KCTD16: variants seen among roughly 807,000 people sequenced by gnomAD.
KCTD16 encodes potassium channel tetramerization domain containing 16.
KCTD16 carries 13 observed loss-of-function variants against 33.2 expected under a neutral mutation model. The observed-to-expected ratio is 0.39, with a 90% CI of 0.25 to 0.62. The LOEUF (loss-of-function observed/expected upper bound fraction) is 0.62. KCTD16 is among the 20% of genes least tolerant of loss of function. The pLI, the probability that KCTD16 is intolerant of heterozygous loss-of-function variation, is 0.50. For missense variants in KCTD16, 441 were observed against 525.1 expected, an observed-to-expected ratio of 0.84 and a Z score of 1.57; for synonymous variants, 197 against 195.3, an observed-to-expected ratio of 1.01 and a Z score of -0.07.
intron 3 of KCTD16, among the ~76,000 whole-genome samples, chr5:144,284,101 C>T (rs1370879424): frequency 4.6e-5 from 7 of 152,116 alleles, no homozygotes; most frequent in Non-Finnish European, 8.8e-5. Context: ...TCCTAATCTC[C>T]CCTTAGAACA....
In KCTD16 at chr5:144,477,121, T is replaced by C. The variant is rs1754611531; in HGVS notation, c.*3007T>C. Reference sequence around the variant, plus strand: ...GTCAGAAACATATTTACAAAGTCCTTCTACCCACTATCAAAAATGAACTGA... The same window carrying C: ...GTCAGAAACATATTTACAAAGTCCTCCTACCCACTATCAAAAATGAACTGA... On this transcript the variant is annotated 3_prime_UTR_variant, in exon 4 of 4. Coordinates refer to ENST00000512467, the MANE Select transcript of KCTD16 (RefSeq NM_020768.4). 6.6e-6 allele frequency: 1 copy of C among 152,054 alleles called. No homozygotes were observed. The highest frequency in any genetic ancestry group is 6.6e-5 in the Admixed American group (1 of 15,252). The allele number at this position is 152,054 out of a possible 1,614,324, so 9.4% of individuals were successfully genotyped here.
intron 3 of KCTD16, among the ~76,000 whole-genome samples, chr5:144,310,492 G>A (rs1751734320): frequency 6.6e-6 from 1 of 151,898 alleles, no homozygotes; most frequent in Admixed American, 6.6e-5. Context: ...TTTCTATAGT[G>A]GCTATGCTAA....
chr5:144,183,180 T>G (rs1322681470), intron 2 of KCTD16, among the ~76,000 whole-genome samples: 2 of 152,246 alleles, frequency 1.3e-5, no homozygotes, highest in Non-Finnish European at 2.9e-5. Context: ...TGGTGTTTTG[T>G]GTTTCTGTGG....
At chr5:144,239,650 ACTTTGTG>A (rs1177353231) in intron 3 of KCTD16, among the ~76,000 whole-genome samples, 3 of 152,134 alleles carry the variant, frequency 2.0e-5, no homozygotes, top group Non-Finnish European at 4.4e-5. Context: ...TCAAATGCCT[ACTTTGTG>A]CTCAGCATTA....
intron 2 of KCTD16, chr5:144,205,384 C>G: frequency 7.6e-6 from 3 of 397,156 alleles, no homozygotes; most frequent in Non-Finnish European, 8.9e-6. Context: ...ACTGCTGAAA[C>G]AACAGCATCC....
At chr5:144,348,562 A>G (rs1230383245) in intron 3 of KCTD16, among the ~76,000 whole-genome samples, 1 of 152,190 alleles carries the variant, frequency 6.6e-6, no homozygotes, top group Non-Finnish European at 1.5e-5. Context: ...AACTTGAGGA[A>G]CTCAAATAAA....
chr5:144,191,764 A>T (rs1580777395), intron 2 of KCTD16, among the ~76,000 whole-genome samples: 2 of 151,636 alleles, frequency 1.3e-5, no homozygotes, highest in African/African-American at 4.8e-5. Context: ...TTTTCTATGC[A>T]TCTCAGGCTA....
chr5:144,457,107 T>C (rs1754083775), intron 3 of KCTD16, among the ~76,000 whole-genome samples: 1 of 152,248 alleles, frequency 6.6e-6, no homozygotes, highest in Non-Finnish European at 1.5e-5. Context: ...TATTTAAATG[T>C]AACGCACACT....
At chr5:144,365,786 T>G (rs1008483343) in intron 3 of KCTD16, among the ~76,000 whole-genome samples, 5 of 152,186 alleles carry the variant, frequency 3.3e-5, no homozygotes, top group Non-Finnish European at 7.4e-5. Flanking sequence ...TTAGAGAACT[T>G]ATTTATTTAT....
chr5:144,345,596 T>C (rs1382004876), intron 3 of KCTD16, among the ~76,000 whole-genome samples: 1 of 152,192 alleles, frequency 6.6e-6, no homozygotes, highest in Non-Finnish European at 1.5e-5. Flanking sequence ...ATCTATGCCA[T>C]GCACTCTCTT....
At chr5:144,231,113 T>A (rs540193157) in intron 3 of KCTD16, among the ~76,000 whole-genome samples, 8 of 152,248 alleles carry the variant, frequency 5.3e-5, no homozygotes, top group Admixed American at 1.3e-4. Flanking sequence ...AACATTCTCC[T>A]TAGTTTCTTC....
At chr5:144,239,788 G>A (rs993844940) in intron 3 of KCTD16, among the ~76,000 whole-genome samples, 4 of 152,124 alleles carry the variant, frequency 2.6e-5, no homozygotes, top group Non-Finnish European at 4.4e-5. Context: ...TAAACTATAT[G>A]TAGATTTTAA....
intron 3 of KCTD16, among the ~76,000 whole-genome samples, chr5:144,461,327 A>G (rs768072402): frequency 3.3e-5 from 5 of 151,940 alleles, no homozygotes; most frequent in Admixed American, 2.6e-4. Context: ...TCATCTTCCC[A>G]TACCCCCACT....
intron 3 of KCTD16, among the ~76,000 whole-genome samples, chr5:144,318,131 G>A (rs1459749817): frequency 6.6e-6 from 1 of 152,198 alleles, no homozygotes. Flanking sequence ...GACTGAAGGA[G>A]AAGGGGTCCT....
In KCTD16 at chr5:144,416,371, C is replaced by T. The variant is rs80282811; in HGVS notation, c.833-57289C>T. On this transcript the variant is annotated intron_variant, in intron 3 of 3. Transcript: ENST00000512467. Reference sequence around the variant, plus strand: ...TAGAAAAGGCAGACTAGTAGCCCAACACTCAGTCTGGACTCTGCCCAAACT... The same window carrying T: ...TAGAAAAGGCAGACTAGTAGCCCAATACTCAGTCTGGACTCTGCCCAAACT... 1.4e-3 allele frequency among the ~76,000 whole-genome samples: 219 copies of T among 152,282 alleles called. 1 individual carries two copies. The highest frequency in any genetic ancestry group is 5.0e-3 in the African/African-American group (206 of 41,574).
chr5:144,221,831 G>A (rs763228983), intron 3 of KCTD16, among the ~76,000 whole-genome samples: 2 of 152,152 alleles, frequency 1.3e-5, no homozygotes, highest in Non-Finnish European at 2.9e-5. Context: ...TGATCCTTGA[G>A]GAATCCCCAC....
chr5:144,394,297 C>A (rs1322701057), intron 3 of KCTD16, among the ~76,000 whole-genome samples: 8 of 152,020 alleles, frequency 5.3e-5, no homozygotes, highest in Admixed American at 5.2e-4. Context: ...AGATTGGTGA[C>A]ATTTTATGAA....
At chr5:144,255,878 G>A (rs1411634019) in intron 3 of KCTD16, among the ~76,000 whole-genome samples, 1 of 152,144 alleles carries the variant, frequency 6.6e-6, no homozygotes, top group African/African-American at 2.4e-5. Flanking sequence ...TTCTTTTACA[G>A]ATGATAAAAT....
At chr5:144,302,297 A>G (rs1054270869) in intron 3 of KCTD16, among the ~76,000 whole-genome samples, 4 of 152,218 alleles carry the variant, frequency 2.6e-5, no homozygotes, top group African/African-American at 9.6e-5. Flanking sequence ...AGAAGAAAAA[A>G]ATGAAAAGAA....
Sources: allele counts gnomAD v4.1 joint callset (sites outside exome capture counted in the v4.1 genomes callset), GRCh38; gene constraint gnomAD v4.1.1; transcripts MANE v1.5; gene names NCBI Gene and HGNC (gene_info 2026-07-23, HGNC 2026-07-21).